The following AAGAB variants were observed in gnomAD, a reference collection of about 807,000 sequenced individuals.
AAGAB encodes alpha- and gamma-adaptin-binding protein p34.
In AAGAB, 38 loss-of-function variants were observed where a neutral mutation model predicts 44.1. The observed-to-expected ratio is 0.86, with a 90% CI of 0.67 to 1.13. The LOEUF is 1.13. Among genes scored for constraint, AAGAB ranks in the 50% most tolerant of loss-of-function variants. The pLI, the probability that AAGAB is intolerant of heterozygous loss-of-function variation, is 0.00. For synonymous variants in AAGAB, 131 were observed against 131.8 expected (o/e 0.99, Z 0.04); for missense variants, 450 against 373.8 (o/e 1.20, Z -1.68).
chr15:67,227,543 A>T (rs1964232825), intron 5 of AAGAB, among the ~76,000 whole-genome samples: 2 of 152,192 alleles, frequency 1.3e-5, no homozygotes, highest in African/African-American at 4.8e-5. Context: ...AAAAAGAAAA[A>T]AGAGTAGGAA....
rs1294426524 is a variant in AAGAB at position 67,203,569 on chromosome 15, T to C, written c.849A>G (p.Gln283=). 8 of 1,613,678 alleles carry C rather than the reference T, an allele frequency of 5.0e-6. No homozygotes were observed. The African/African-American group carries it at 9.3e-5, about 19-fold the overall frequency. The part of the protein sequence containing the change: ...KDKAATLPHE[Q]RKVHAEKVAK... ...TCACCTTTTCTGCATGCACTTTTCT[T>C]TGCTCATGAGGAAGCGTCGCAGCCT... The change falls in exon 9 of 10, where the codon CAA becomes CAG. Residue 283 remains glutamine (Q), a synonymous_variant. Coordinates refer to ENST00000261880, the MANE Select transcript of AAGAB (RefSeq NM_024666.5).
chr15:67,249,365 TG>T (rs1413695114), intron 1 of AAGAB, among the ~76,000 whole-genome samples: 1 of 152,170 alleles, frequency 6.6e-6, no homozygotes, highest in Non-Finnish European at 1.5e-5. Context: ...CTAGAAGAGA[TG>T]TTAGAAATGA....
intron 1 of AAGAB, among the ~76,000 whole-genome samples, chr15:67,238,890 T>C (rs1876443224): frequency 6.6e-6 from 1 of 152,170 alleles, no homozygotes; most frequent in Admixed American, 6.5e-5. Flanking sequence ...ACAGACAGGG[T>C]TTCACCATGT....
At chr15:67,231,945 GATATAC>G in intron 4 of AAGAB, 48 bp from the exon 5 acceptor site, 1 of 1,482,220 alleles carries the variant, frequency 6.7e-7, no homozygotes. Flanking sequence ...CACTCACACA[GATATAC>G]ATATACATTC....
chr15:67,224,738 G>C (rs1374663221), intron 5 of AAGAB, among the ~76,000 whole-genome samples: 1 of 151,744 alleles, frequency 6.6e-6, no homozygotes, highest in East Asian at 1.9e-4. Context: ...GCACCACCAC[G>C]CCTAGCTAAC....
At chr15:67,250,748 C>A (rs1043715404) in intron 1 of AAGAB, among the ~76,000 whole-genome samples, 1 of 151,972 alleles carries the variant, frequency 6.6e-6, no homozygotes, top group Non-Finnish European at 1.5e-5. Context: ...ACCCTGTCGC[C>A]GGGTGCGGTG....
intron 1 of AAGAB, among the ~76,000 whole-genome samples, chr15:67,246,817 T>C (rs1450845733): frequency 6.6e-6 from 1 of 151,886 alleles, no homozygotes; most frequent in African/African-American, 2.4e-5. Flanking sequence ...AGCTAAAGGA[T>C]TGTAAATGCA....
chr15:67,245,728 G>A (rs533975135), intron 1 of AAGAB, among the ~76,000 whole-genome samples: 1 of 152,278 alleles, frequency 6.6e-6, no homozygotes, highest in South Asian at 2.1e-4. Flanking sequence ...AACAATGGAT[G>A]GCACATGTGA....
At chr15:67,250,038 C>T (rs1292545817) in intron 1 of AAGAB, among the ~76,000 whole-genome samples, 1 of 152,226 alleles carries the variant, frequency 6.6e-6, no homozygotes, top group Non-Finnish European at 1.5e-5. Flanking sequence ...GTTGGCATTA[C>T]ACACTTTAAA....
At chr15:67,246,571 G>T (rs1366353586) in intron 1 of AAGAB, among the ~76,000 whole-genome samples, 1 of 152,166 alleles carries the variant, frequency 6.6e-6, no homozygotes. Flanking sequence ...ACCTTTGAGA[G>T]ATGAAGCCTG....
intron 5 of AAGAB, among the ~76,000 whole-genome samples, chr15:67,227,490 T>C (rs1239148389): frequency 6.6e-6 from 1 of 152,162 alleles, no homozygotes; most frequent in Non-Finnish European, 1.5e-5. Context: ...ACATCTTATG[T>C]ATATTTAACC....
In AAGAB at chr15:67,236,394, T is replaced by C. The variant is rs763590567; in HGVS notation, c.361+14A>G. ...AATGCATGTACCAACTACTGTCCCATCCACAGGCCTTACCATCTTCAGACA... is the reference window on the plus strand; with the variant it reads ...AATGCATGTACCAACTACTGTCCCACCCACAGGCCTTACCATCTTCAGACA... On this transcript the variant is annotated intron_variant, in intron 3 of 9. Coordinates refer to ENST00000261880, the MANE Select transcript of AAGAB (RefSeq NM_024666.5). 1 of 1,611,350 alleles carries C rather than the reference T, an allele frequency of 6.2e-7. No homozygotes were observed. The highest frequency in any genetic ancestry group is 8.5e-7 in the Non-Finnish European group (1 of 1,177,868).
chr15:67,236,197 AT>A, intron 3 of AAGAB, 129 bp from the exon 4 acceptor site: 3 of 880,482 alleles, frequency 3.4e-6, no homozygotes, highest in Non-Finnish European at 5.2e-6. Flanking sequence ...ATCTAAAATA[AT>A]AAAAAGAAAA....
chr15:67,220,303 G>C (rs564122535), intron 5 of AAGAB, among the ~76,000 whole-genome samples: 1 of 152,322 alleles, frequency 6.6e-6, no homozygotes, highest in African/African-American at 2.4e-5. Context: ...TAGGCTAAGG[G>C]AGTTCTGTAG....
At chr15:67,238,698 ATT>A (rs35660168) in intron 1 of AAGAB, among the ~76,000 whole-genome samples, 1 of 145,530 alleles carries the variant, frequency 6.9e-6, no homozygotes, top group Admixed American at 6.9e-5. Flanking sequence ...ATCAGTCTTA[ATT>A]TTTTTTTTTT....
intron 5 of AAGAB, among the ~76,000 whole-genome samples, chr15:67,213,643 T>C (rs1392747572): frequency 1.3e-5 from 2 of 152,210 alleles, no homozygotes; most frequent in African/African-American, 4.8e-5. Context: ...AAATAAGGCA[T>C]GGATATGAAT....
intron 5 of AAGAB, among the ~76,000 whole-genome samples, chr15:67,212,072 G>A (rs909887839): frequency 4.6e-5 from 7 of 152,016 alleles, no homozygotes; most frequent in Admixed American, 2.0e-4. Context: ...TATTGGAGAC[G>A]GGGTTTCACC....
chr15:67,255,027 C>A, upstream of AAGAB: 2 of 1,382,746 alleles, frequency 1.4e-6, no homozygotes, highest in East Asian at 2.4e-5. Flanking sequence ...GATTCACCGA[C>A]GCTCACCCAT....
chr15:67,202,809 A>T lies in AAGAB; in HGVS notation c.*12T>A. 1 of 1,612,188 alleles carries T rather than the reference A, an allele frequency of 6.2e-7. No homozygotes were observed. Among genetic ancestry groups the T allele is most frequent in the Non-Finnish European group, 8.5e-7 (1 of 1,178,202 alleles). ...CTAGCATCTTTGTTGGTCAAACCCT[A>T]GTATGAATAATTCAGTGCTCTTCAT... On this transcript the variant is annotated 3_prime_UTR_variant, in exon 10 of 10. Transcript: ENST00000261880.
Sources: allele counts gnomAD v4.1 joint callset (sites outside exome capture counted in the v4.1 genomes callset), GRCh38; gene constraint gnomAD v4.1.1; transcripts MANE v1.5; gene names NCBI Gene and HGNC (gene_info 2026-07-23, HGNC 2026-07-21).